Variants in RASSF6 observed in about 807,000 individuals in gnomAD.
RASSF6 encodes the protein ras association domain-containing protein 6.
Under a neutral mutation model 44.0 loss-of-function variants are expected in RASSF6, and 52 were observed. The ratio of observed to expected loss-of-function variants is 1.18; its 90% CI spans 0.95 to 1.49. The LOEUF is 1.49. Ranked by LOEUF, RASSF6 falls within the 40% of genes most tolerant of loss-of-function variation. The pLI is 0.00. For synonymous variants in RASSF6, 162 were observed against 124.6 expected, an observed-to-expected ratio of 1.30 and a Z score of -2.00; for missense variants, 464 against 393.3, an observed-to-expected ratio of 1.18 and a Z score of -1.52.
intron 1 of RASSF6, chr4:73,615,771 G>A: frequency 1.3e-6 from 1 of 778,942 alleles, no homozygotes; most frequent in African/African-American, 1.7e-5. Context: ...AAGCCAATGA[G>A]ATCTGGATGG....
intron 2 of RASSF6, 146 bp downstream of exon 2, chr4:73,611,585 A>G (rs1726014725): frequency 2.1e-6 from 1 of 473,382 alleles, no homozygotes; most frequent in African/African-American, 2.0e-5. Context: ...TTAGGAACAT[A>G]CTTTTCCAAC....
chr4:73,619,143 T>A (rs1726548366), intron 1 of RASSF6, among the ~76,000 whole-genome samples: 1 of 152,248 alleles, frequency 6.6e-6, no homozygotes, highest in African/African-American at 2.4e-5. Flanking sequence ...AGCAGTCTCC[T>A]TTATAAAACC....
In RASSF6 at chr4:73,608,780, G is replaced by A. The variant is rs182436311; in HGVS notation, c.65+2951C>T. 1.5e-4 allele frequency among the ~76,000 whole-genome samples: 23 copies of A among 152,290 alleles called. No individual in the cohort carries two copies. In the East Asian group the frequency reaches 4.4e-3, roughly 29 times the overall value. On this transcript the variant is annotated intron_variant, in intron 2 of 10. Transcript: ENST00000307439. ...AAACTTACCTTCAGGACTCACAGGG[G>A]CATGCAGTGTTTGCTCCTATTCCTT...
chr4:73,593,662 G>T, intron 3 of RASSF6, 69 bp from the exon 4 acceptor site: 2 of 1,348,384 alleles, frequency 1.5e-6, no homozygotes, highest in Admixed American at 2.2e-5. Flanking sequence ...TTTTAACGAA[G>T]ATGTAGAAAT....
chr4:73,604,706 G>T (rs1303093815), intron 2 of RASSF6: 1 of 151,844 alleles, frequency 6.6e-6, no homozygotes, highest in African/African-American at 2.4e-5. Context: ...CATATGTCAG[G>T]TTCAAAAAGC....
At chr4:73,587,151 T>C (rs1724160558) in intron 5 of RASSF6, among the ~76,000 whole-genome samples, 1 of 152,074 alleles carries the variant, frequency 6.6e-6, no homozygotes, top group Admixed American at 6.6e-5. Flanking sequence ...ATATTATGCC[T>C]GATACTTACC....
chr4:73,584,400 A>C (rs1165546162), intron 6 of RASSF6, among the ~76,000 whole-genome samples: 1 of 152,150 alleles, frequency 6.6e-6, no homozygotes, highest in East Asian at 1.9e-4. Flanking sequence ...GAGTTCTGGA[A>C]AAAAATGATG....
intron 3 of RASSF6, 59 bp downstream of exon 3, chr4:73,598,581 T>TGTGC: frequency 2.5e-6 from 2 of 794,566 alleles, no homozygotes; most frequent in African/African-American, 3.6e-5. Context: ...TGTGTGTGTG[T>TGTGC]GTGTGCACGC....
intron 2 of RASSF6, among the ~76,000 whole-genome samples, chr4:73,607,642 C>T (rs1725729517): frequency 6.6e-6 from 1 of 152,188 alleles, no homozygotes; most frequent in South Asian, 2.1e-4. Flanking sequence ...ATCTGTACCA[C>T]CTGGGAACTT....
chr4:73,595,256 G>A (rs1353064561), intron 3 of RASSF6, among the ~76,000 whole-genome samples: 1 of 152,154 alleles, frequency 6.6e-6, no homozygotes, highest in East Asian at 1.9e-4. Flanking sequence ...GTACAGTGGT[G>A]TGATCTCAGC....
intron 2 of RASSF6, among the ~76,000 whole-genome samples, 180 bp from the exon 3 acceptor site, chr4:73,598,898 T>C (rs1015117629): frequency 2.6e-5 from 4 of 152,128 alleles, no homozygotes; most frequent in East Asian, 1.9e-4. Context: ...TATCAGCAAA[T>C]GTTGAAGTTG....
intron 6 of RASSF6, among the ~76,000 whole-genome samples, chr4:73,583,419 T>C (rs1723823853): frequency 6.6e-6 from 1 of 152,132 alleles, no homozygotes; most frequent in Non-Finnish European, 1.5e-5. Flanking sequence ...AGAAATATAC[T>C]ACTGGTCAAG....
chr4:73,584,350 C>T (rs79277822), intron 6 of RASSF6, among the ~76,000 whole-genome samples: 8,590 of 152,002 alleles, frequency 0.057, 387 homozygotes, highest in East Asian at 0.2. Flanking sequence ...TGAGATGGAG[C>T]GATGAATGAT....
At chr4:73,596,615 G>T (rs753035741) in intron 3 of RASSF6, among the ~76,000 whole-genome samples, 1 of 152,092 alleles carries the variant, frequency 6.6e-6, no homozygotes, top group Non-Finnish European at 1.5e-5. Context: ...CACAGAAATA[G>T]AAAAAACTAT....
intron 5 of RASSF6, among the ~76,000 whole-genome samples, chr4:73,587,169 C>T (rs887636684): frequency 3.7e-4 from 56 of 152,166 alleles, no homozygotes; most frequent in African/African-American, 1.3e-3. Flanking sequence ...ACCAGAGTCT[C>T]ATCAGATTAC....
chr4:73,593,510 A>C lies in RASSF6; in HGVS notation c.228T>G (p.Asp76Glu). The C allele has an allele frequency of 1.9e-6, 3 of 1,613,116 alleles. No individual in the cohort carries two copies. Among genetic ancestry groups the C allele is most frequent in the Non-Finnish European group, 2.5e-6 (3 of 1,179,214 alleles). The change falls in exon 4 of 11, where the codon GAT (aspartate) becomes GAG (glutamate). Residue 76 changes from aspartate (D) to glutamate (E), a missense_variant. By Grantham distance (45) the Asp-to-Glu change is conservative. Coordinates refer to ENST00000307439, the MANE Select transcript of RASSF6 (RefSeq NM_177532.5). Reference sequence around the variant, plus strand: ...TAGTAAAAGAAGAGAATGGCTTCTCATCTTGTATTTTTAGCTGTATAGGTC... The same window carrying C: ...TAGTAAAAGAAGAGAATGGCTTCTCCTCTTGTATTTTTAGCTGTATAGGTC... ...VKRPIQLKIQ[D>E]EKPFSSFTSM...
At position 73,615,210 on chromosome 4, in the gene RASSF6, T is replaced by C. The variant is rs72649154; in HGVS notation, c.-34-3381A>G. On this transcript the variant is annotated intron_variant, in intron 1 of 10. Coordinates refer to ENST00000307439, the MANE Select transcript of RASSF6 (RefSeq NM_177532.5). ...AAAAAAAAAAAAAGAGCAAAACAAA[T>C]AAACAAACAAAAACAATGAAGTGAG... Among the ~76,000 whole-genome samples, 232 of 110,218 alleles carry C rather than the reference T, an allele frequency of 2.1e-3. 1 individual carries two copies. The highest frequency in any genetic ancestry group is 2.6e-3 in the Non-Finnish European group (130 of 50,296). 72.3% of individuals were successfully genotyped at this position (110,218 alleles called of 152,430 possible).
rs550030921 is a variant in RASSF6, at chr4:73,587,142, T to G, written c.382+698A>C. Among the ~76,000 whole-genome samples the G allele has an allele frequency of 1.5e-3, 231 of 152,170 alleles. 5 individuals carry two copies. The South Asian group carries it at 0.043, about 29-fold the overall frequency. On this transcript the variant is annotated intron_variant, in intron 5 of 10. Transcript: ENST00000307439. ...GAAAAAATTCATATAAAGTACAAAA[T>G]ATTATGCCTGATACTTACCAGAGTC...
At chr4:73,586,721 G>A (rs1724122695) in intron 5 of RASSF6, among the ~76,000 whole-genome samples, 1 of 151,778 alleles carries the variant, frequency 6.6e-6, no homozygotes, top group African/African-American at 2.4e-5. Context: ...TGATGTCTTT[G>A]ATGCCAAGAT....
Sources: allele counts gnomAD v4.1 joint callset (sites outside exome capture counted in the v4.1 genomes callset), GRCh38; gene constraint gnomAD v4.1.1; transcripts MANE v1.5; gene names NCBI Gene and HGNC (gene_info 2026-07-23, HGNC 2026-07-21).